The following ELP1 variants were observed in gnomAD, a reference collection of about 807,000 sequenced individuals.
The protein encoded by ELP1 is elongator complex protein 1.
In ELP1, 131 loss-of-function variants were observed where a neutral mutation model predicts 183.2. The ratio of observed to expected loss-of-function variants is 0.72; its 90% CI spans 0.62 to 0.83. The LOEUF is 0.83. Ranked by LOEUF, ELP1 falls within the 40% of genes least tolerant of loss-of-function variation. The pLI is 0.00. For synonymous variants in ELP1, 555 were observed against 569.0 expected (o/e 0.98, Z 0.35); for missense variants, 1,550 against 1,594.9 (o/e 0.97, Z 0.48).
chr9:108,917,046 C>T (rs1306446881), intron 9 of ELP1, among the ~76,000 whole-genome samples: 1 of 152,102 alleles, frequency 6.6e-6, no homozygotes, highest in African/African-American at 2.4e-5. Flanking sequence ...AGGTGGGGGA[C>T]AAATGCTATT....
intron 29 of ELP1, among the ~76,000 whole-genome samples, chr9:108,889,110 G>T (rs1248470290): frequency 6.6e-6 from 1 of 152,156 alleles, no homozygotes; most frequent in Non-Finnish European, 1.5e-5. Flanking sequence ...CAAACCAGTG[G>T]TATGTTAAAG....
In ELP1 at chr9:108,895,965, A is replaced by C. The variant is rs112344453; in HGVS notation, c.2736+531T>G. Among the ~76,000 whole-genome samples, 440 of 152,278 alleles carry C rather than the reference A, an allele frequency of 2.9e-3. 1 individual carries two copies. The highest frequency in any genetic ancestry group is 0.01 in the African/African-American group (423 of 41,568). On this transcript the variant is annotated intron_variant, in intron 25 of 36. Transcript: ENST00000374647. ...TATGCCCATCATCTTAAAAATAACCATGTAATTTTAGGCCGCACATGGTGG... is the reference window on the plus strand; with the variant it reads ...TATGCCCATCATCTTAAAAATAACCCTGTAATTTTAGGCCGCACATGGTGG...
In ELP1 at chr9:108,889,217, T is replaced by C. The variant is rs3780508; in HGVS notation, c.3222+115A>G. On this transcript the variant is annotated intron_variant, in intron 29 of 36. Transcript: ENST00000374647. ...AAGATAAGACCTCTGGGGCAAACAC[T>C]ATCTCTGGACTTAACAATTATGCAC... 129,070 of 982,022 alleles carry C rather than the reference T, an allele frequency of 0.13. 10,627 individuals carry two copies. Among genetic ancestry groups the C allele is most frequent in the African/African-American group, 0.33 (20,508 of 62,506 alleles). The allele number at this position is 982,022 out of a possible 1,614,324, so 60.8% of individuals were successfully genotyped here.
At chr9:108,900,498 T>C in intron 18 of ELP1, 123 bp from the exon 19 acceptor site, 1 of 761,050 alleles carries the variant, frequency 1.3e-6, no homozygotes, top group East Asian at 2.7e-5. Flanking sequence ...GTGCCTTAGC[T>C]CTCCCACTGA....
intron 10 of ELP1, among the ~76,000 whole-genome samples, chr9:108,914,993 T>C (rs1829378420): frequency 6.6e-6 from 1 of 152,194 alleles, no homozygotes; most frequent in African/African-American, 2.4e-5. Flanking sequence ...ATGAAAAACC[T>C]AGAAGACAAG....
At chr9:108,869,273 G>A in intron 36 of ELP1, 91 bp from the exon 37 acceptor site, 2 of 1,082,872 alleles carry the variant, frequency 1.8e-6, no homozygotes, top group Non-Finnish European at 2.9e-6. Context: ...AACTAGGCAG[G>A]TGGAGTTTGC....
chr9:108,911,663 C>G, intron 11 of ELP1, among the ~76,000 whole-genome samples: 1 of 152,254 alleles, frequency 6.6e-6, no homozygotes, highest in South Asian at 2.1e-4. Flanking sequence ...CCTCACATTA[C>G]AATCTTAGAA....
chr9:108,926,731 T>G, intron 4 of ELP1, 128 bp from the exon 5 acceptor site: 1 of 719,824 alleles, frequency 1.4e-6, no homozygotes, highest in Non-Finnish European at 2.4e-6. Flanking sequence ...TCATCCAAAA[T>G]GCTTTGACTT....
At chr9:108,921,266 C>T (rs1829635668) in intron 6 of ELP1, among the ~76,000 whole-genome samples, 2 of 151,990 alleles carry the variant, frequency 1.3e-5, no homozygotes. Context: ...CCCTTCCCCA[C>T]CCCACCCCAC....
intron 15 of ELP1, among the ~76,000 whole-genome samples, chr9:108,903,156 C>T (rs1309257189): frequency 6.6e-6 from 1 of 152,020 alleles, no homozygotes; most frequent in Non-Finnish European, 1.5e-5. Context: ...TATACATGTG[C>T]CATGTTGGTG....
rs1239591845 is a variant in ELP1, at chr9:108,879,506, CT to C, written c.3511del (p.Ser1171ValfsTer3). 1 of 1,614,038 alleles carries C rather than the reference CT, an allele frequency of 6.2e-7. No homozygotes were observed. Among genetic ancestry groups the C allele is most frequent in the Non-Finnish European group, 8.5e-7 (1 of 1,180,016 alleles). ...ACTCATCTCACTGCCACTCACGACA[CT>C]GCTAGTTTCAGAGAAGAGGTCTGAC... ...QESDLFSETS[S>X]VVSGSEMSGK... On this transcript the variant is annotated frameshift_variant, in exon 33 of 37. Transcript: ENST00000374647. LOFTEE classifies it high-confidence loss of function.
intron 13 of ELP1, among the ~76,000 whole-genome samples, chr9:108,907,301 T>G: frequency 6.6e-6 from 1 of 152,212 alleles, no homozygotes; most frequent in South Asian, 2.1e-4. Context: ...CCATCAATTT[T>G]TTTTAAATGA....
intron 1 of ELP1, among the ~76,000 whole-genome samples, chr9:108,932,025 T>C (rs920038019): frequency 9.9e-5 from 15 of 152,200 alleles, no homozygotes; most frequent in African/African-American, 2.7e-4. Context: ...AGGCTTATGA[T>C]TGTAAGTCCC....
rs770386904 is a variant in ELP1, at chr9:108,922,933, G to T, written c.467-6C>A. 1.9e-6 allele frequency: 3 copies of T among 1,606,248 alleles called. No homozygotes were observed. The Admixed American group carries it at 5.0e-5, about 27-fold the overall frequency. Reference sequence around the variant, plus strand: ...TCCAACAGTGATAAACTTGCCTACAGAACAATTGGCAAGACAACTAATAAG... The same window carrying T: ...TCCAACAGTGATAAACTTGCCTACATAACAATTGGCAAGACAACTAATAAG... On this transcript the variant is annotated splice_region_variant and splice_polypyrimidine_tract_variant and intron_variant, in intron 5 of 36. Transcript: ENST00000374647.
intron 31 of ELP1, 147 bp downstream of exon 31, chr9:108,881,558 G>C: frequency 1.6e-6 from 1 of 639,474 alleles, no homozygotes; most frequent in Non-Finnish European, 2.8e-6. Flanking sequence ...ATTCTAGTGA[G>C]AATTAAATAT....
At chr9:108,875,427 C>A (rs12002711) in intron 35 of ELP1, among the ~76,000 whole-genome samples, 3,893 of 152,302 alleles carry the variant, frequency 0.026, 158 homozygotes, top group African/African-American at 0.09. Flanking sequence ...AGGTAAAACA[C>A]AAGACTCCGC....
In ELP1 at chr9:108,931,040, C is replaced by G. The variant is rs1191432842; in HGVS notation, c.107G>C (p.Gly36Ala). Residue 36 changes from glycine (G) to alanine (A), a missense_variant, in exon 2 of 37, where the codon GGT becomes GCT. Gly to Ala is a moderately conservative substitution (Grantham distance 60). Transcript: ENST00000374647. Reference sequence around the variant, plus strand: ...TACTTCTATCAGGCCATGTTCTGAACCAATGAGCACCGTCCCCTGTTCAGT... The same window carrying G: ...TACTTCTATCAGGCCATGTTCTGAAGCAATGAGCACCGTCCCCTGTTCAGT... ...LRTEQGTVLI[G>A]SEHGLIEVDP... is the part of the protein sequence containing the mutation. The G allele has an allele frequency of 6.2e-7, 1 of 1,614,134 alleles. No individual in the cohort carries two copies. Among genetic ancestry groups the G allele is most frequent in the Admixed American group, 1.7e-5 (1 of 60,016 alleles).
chr9:108,898,871 C>T, intron 20 of ELP1, 122 bp from the exon 21 acceptor site: 2 of 690,244 alleles, frequency 2.9e-6, no homozygotes, highest in South Asian at 1.6e-5. Flanking sequence ...TGCCAAGCTG[C>T]TATCACTGGA....
Position 108,919,238 on chromosome 9 carries a change from A to T in ELP1, c.649+15T>A. The T allele has an allele frequency of 1.3e-6, 2 of 1,569,986 alleles. No individual in the cohort carries two copies. Among genetic ancestry groups the T allele is most frequent in the South Asian group, 2.2e-5 (2 of 89,882 alleles). On this transcript the variant is annotated intron_variant, in intron 7 of 36. Coordinates refer to ENST00000374647, the MANE Select transcript of ELP1 (RefSeq NM_003640.5). ...AAATTTTTTATTGTTGTTTAACTGCAATATATTTCCATACCTGTTTCTGGG... is the reference window on the plus strand; with the variant it reads ...AAATTTTTTATTGTTGTTTAACTGCTATATATTTCCATACCTGTTTCTGGG...
Sources: gnomAD v4.1 joint callset for allele counts (sites outside exome capture counted in the v4.1 genomes callset) on GRCh38, gnomAD v4.1.1 for gene constraint, MANE v1.5 for transcripts, NCBI Gene and HGNC (gene_info 2026-07-23, HGNC 2026-07-21) for gene names.